MLLT10: variants seen among roughly 807,000 people sequenced by gnomAD.
The protein encoded by MLLT10 is MLLT10 histone lysine methyltransferase DOT1L cofactor.
In MLLT10, 30 loss-of-function variants were observed where a neutral mutation model predicts 129.1. The ratio of observed to expected loss-of-function variants is 0.23; its 90% CI spans 0.17 to 0.32. The LOEUF (loss-of-function observed/expected upper bound fraction) is 0.32. Ranked by LOEUF, MLLT10 falls within the 10% of genes least tolerant of loss-of-function variation. The pLI is 1.00. For missense variants in MLLT10, 1,119 were observed against 1,268.3 expected, an observed-to-expected ratio of 0.88 and a Z score of 1.79; for synonymous variants, 490 against 446.4, an observed-to-expected ratio of 1.10 and a Z score of -1.23.
intron 3 of MLLT10, among the ~76,000 whole-genome samples, chr10:21,561,690 ACT>A (rs1402198832): frequency 3.9e-5 from 6 of 151,916 alleles, no homozygotes; most frequent in Non-Finnish European, 7.4e-5. Context: ...TGTTGAAAAG[ACT>A]CTCTTTCCCA....
intron 9 of MLLT10, among the ~76,000 whole-genome samples, chr10:21,655,939 G>A (rs531033427): frequency 1.3e-5 from 2 of 152,194 alleles, no homozygotes; most frequent in Non-Finnish European, 2.9e-5. Flanking sequence ...GGGGTGGCAG[G>A]TGTGGACATA....
rs545811788 is a variant in MLLT10 at position 21,717,965 on chromosome 10, C to CT, written c.1878+4018dup. On this transcript the variant is annotated intron_variant, in intron 14 of 22. Coordinates refer to ENST00000307729, the MANE Select transcript of MLLT10 (RefSeq NM_001195626.3). ...TTCTTCTTTCTTCTTCTTTCTTCTT[C>CT]TTTCTTCTTTTTGAGACTACAGGTG... Among the ~76,000 whole-genome samples, 4 of 143,348 alleles carry CT rather than the reference C, an allele frequency of 2.8e-5. No individual in the cohort carries two copies. The South Asian group carries it at 8.8e-4, about 32-fold the overall frequency. The allele number at this position is 143,348 out of a possible 152,430, so 94.0% of individuals were successfully genotyped here. A position where few individuals can be genotyped will look rare whatever the true frequency, so the allele number is the denominator to read the frequency against.
At chr10:21,678,204 A>G (rs1298346732) in intron 11 of MLLT10, among the ~76,000 whole-genome samples, 3 of 152,062 alleles carry the variant, frequency 2.0e-5, no homozygotes, top group Non-Finnish European at 2.9e-5. Context: ...TCCCGAGTTA[A>G]AGCAGTTCCC....
chr10:21,712,702 A>G (rs2131512625), intron 13 of MLLT10, among the ~76,000 whole-genome samples: 1 of 152,268 alleles, frequency 6.6e-6, no homozygotes, highest in East Asian at 1.9e-4. Flanking sequence ...TGTGCATTGT[A>G]AGATGTCTAG....
At chr10:21,556,662 G>C in intron 3 of MLLT10, 2 of 1,611,640 alleles carry the variant, frequency 1.2e-6, no homozygotes, top group Non-Finnish European at 1.7e-6. Context: ...AATTCCTGTT[G>C]GTTAGCCTCA....
chr10:21,713,996 A>G (rs1010445636), intron 14 of MLLT10, 46 bp downstream of exon 14: 1 of 1,517,058 alleles, frequency 6.6e-7, no homozygotes, highest in African/African-American at 1.4e-5. Context: ...TGGGTTTCTC[A>G]TTTTTAAAGT....
chr10:21,688,220 A>G (rs2053493174), intron 13 of MLLT10, among the ~76,000 whole-genome samples: 1 of 152,368 alleles, frequency 6.6e-6, no homozygotes, highest in South Asian at 2.1e-4. Flanking sequence ...TGGAAGCTGA[A>G]AAGTTCCAAC....
intron 3 of MLLT10, chr10:21,564,713 A>G (rs1434492577): frequency 6.6e-6 from 1 of 151,844 alleles, no homozygotes; most frequent in Non-Finnish European, 1.5e-5. Flanking sequence ...AATCCCAACT[A>G]CTTGGGAGGC....
intron 4 of MLLT10, among the ~76,000 whole-genome samples, chr10:21,591,760 G>T (rs1262533146): frequency 1.4e-5 from 2 of 142,254 alleles, no homozygotes; most frequent in South Asian, 2.3e-4. Flanking sequence ...GTCTCGGTGT[G>T]TTGCCCAGGC....
At chr10:21,663,584 T>C (rs1295578455) in intron 9 of MLLT10, among the ~76,000 whole-genome samples, 1 of 151,526 alleles carries the variant, frequency 6.6e-6, no homozygotes, top group Non-Finnish European at 1.5e-5. Flanking sequence ...TTTTGTTTTT[T>C]GAGAGAGTCT....
chr10:21,542,773 C>G (rs911787268), intron 3 of MLLT10, among the ~76,000 whole-genome samples: 2 of 152,068 alleles, frequency 1.3e-5, no homozygotes, highest in Non-Finnish European at 2.9e-5. Flanking sequence ...CTTGTCCTAG[C>G]TACGTGGGAG....
intron 8 of MLLT10, chr10:21,625,359 C>T: frequency 1.3e-6 from 1 of 769,024 alleles, no homozygotes; most frequent in South Asian, 1.5e-5. Context: ...AACTTATTTA[C>T]TCTTTGGAGT....
intron 3 of MLLT10, among the ~76,000 whole-genome samples, chr10:21,540,811 CTAGGCA>C (rs2035016963): frequency 6.6e-6 from 1 of 152,068 alleles, no homozygotes; most frequent in African/African-American, 2.4e-5. Context: ...GCTTCTTTAC[CTAGGCA>C]TATAGCAAAA....
intron 5 of MLLT10, among the ~76,000 whole-genome samples, chr10:21,602,779 A>G (rs2043674020): frequency 6.7e-6 from 1 of 150,334 alleles, no homozygotes; most frequent in Admixed American, 6.7e-5. Context: ...CCCAGGCTGG[A>G]GTGCAGTGGC....
intron 13 of MLLT10, among the ~76,000 whole-genome samples, chr10:21,703,515 A>G (rs939228079): frequency 2.0e-4 from 30 of 152,200 alleles, no homozygotes; most frequent in African/African-American, 7.2e-4. Context: ...AGCCTCCTCT[A>G]TCTGGATGTC....
intron 4 of MLLT10, among the ~76,000 whole-genome samples, chr10:21,595,071 G>A (rs1433496963): frequency 1.3e-5 from 2 of 152,166 alleles, no homozygotes; most frequent in Non-Finnish European, 2.9e-5. Flanking sequence ...AGAAGTGTTA[G>A]TGCCAACATC....
At chr10:21,679,772 T>C (rs1313206124) in intron 11 of MLLT10, among the ~76,000 whole-genome samples, 1 of 152,194 alleles carries the variant, frequency 6.6e-6, no homozygotes, top group Non-Finnish European at 1.5e-5. Context: ...ACTTGCATTA[T>C]ATATACTTAC....
rs559763790 is a variant in MLLT10 at position 21,562,827 on chromosome 10, T to G, written c.241-23467T>G. Among the ~76,000 whole-genome samples the G allele has an allele frequency of 6.3e-4, 88 of 139,282 alleles. 2 individuals are homozygous for G. Among genetic ancestry groups the G allele is most frequent in the Middle Eastern group, 3.8e-3 (1 of 264 alleles). The allele number at this position is 139,282 out of a possible 152,430, so 91.4% of individuals were successfully genotyped here. A position where few individuals can be genotyped will look rare whatever the true frequency, so the allele number is the denominator to read the frequency against. On this transcript the variant is annotated intron_variant, in intron 3 of 22. Coordinates refer to ENST00000307729, the MANE Select transcript of MLLT10 (RefSeq NM_001195626.3). ...ATACTTTGTTTTTTTTGTTTTTTTT[T>G]TTTTTTTTTTTGAGACAGTTTCACT...
rs2046257453 is a variant in MLLT10, at chr10:21,624,764, T to A, written c.699+7557T>A. 14 of 1,147,244 alleles carry A rather than the reference T, an allele frequency of 1.2e-5. No homozygotes were observed. The East Asian group carries it at 3.1e-4, about 25-fold the overall frequency. 71.1% of individuals were successfully genotyped at this position (1,147,244 alleles called of 1,614,324 possible). A position where few individuals can be genotyped will look rare whatever the true frequency, so the allele number is the denominator to read the frequency against. On this transcript the variant is annotated intron_variant, in intron 8 of 22. Coordinates refer to ENST00000307729, the MANE Select transcript of MLLT10 (RefSeq NM_001195626.3). ...CTTGGAATCAGGTTGGTTGTAAGCA[T>A]CTGCCTTCTCTTGCGTCCTACATTG... is the stretch of plus-strand genomic sequence containing the variant.
Sources: gnomAD v4.1 joint callset for allele counts (sites outside exome capture counted in the v4.1 genomes callset) on GRCh38, gnomAD v4.1.1 for gene constraint, MANE v1.5 for transcripts, NCBI Gene and HGNC (gene_info 2026-07-23, HGNC 2026-07-21) for gene names.